The following L3MBTL4 variants were observed in gnomAD, a reference collection of about 807,000 sequenced individuals.
L3MBTL4 encodes L3MBTL histone methyl-lysine binding protein 4.
In L3MBTL4, 70 loss-of-function variants were observed where a neutral mutation model predicts 84.5. The ratio of observed to expected loss-of-function variants is 0.83; its 90% CI spans 0.68 to 1.01. The LOEUF (loss-of-function observed/expected upper bound fraction) is 1.01. Ranked by LOEUF, L3MBTL4 falls within the 50% of genes least tolerant of loss-of-function variation. The pLI is 0.00. For synonymous variants in L3MBTL4, 274 were observed against 259.8 expected (o/e 1.05, Z -0.52); for missense variants, 715 against 754.8 (o/e 0.95, Z 0.62).
chr18:6,142,950 G>A (rs1437353852), intron 13 of L3MBTL4, among the ~76,000 whole-genome samples: 1 of 151,974 alleles, frequency 6.6e-6, no homozygotes, highest in Non-Finnish European at 1.5e-5. Context: ...GTAAATAAAA[G>A]GATCTACCAG....
rs79317616 is a variant in L3MBTL4, at chr18:6,095,727, A to C, written c.1200-2199T>G. Among the ~76,000 whole-genome samples the C allele has an allele frequency of 4.5e-4, 68 of 152,314 alleles. 1 individual carries two copies. In the East Asian group the frequency reaches 0.012, roughly 27 times the overall value. On this transcript the variant is annotated intron_variant, in intron 14 of 18. Coordinates refer to ENST00000317931, the MANE Select transcript of L3MBTL4 (RefSeq NM_001330559.2). ...GCACAGTCCTTGTGCAGAGAGACCC[A>C]GAGGCAAGTATTTACAGGCTAATGC...
At chr18:6,083,359 A>G (rs925860168) in intron 15 of L3MBTL4, among the ~76,000 whole-genome samples, 1 of 152,160 alleles carries the variant, frequency 6.6e-6, no homozygotes, top group African/African-American at 2.4e-5. Flanking sequence ...TGAATAAGCT[A>G]ATCGACTTGT....
intron 16 of L3MBTL4, chr18:6,017,971 C>T (rs1236323551): frequency 6.6e-6 from 1 of 152,172 alleles, no homozygotes; most frequent in African/African-American, 2.4e-5. Context: ...GTCCTGTGCA[C>T]ATCCTATCCC....
At chr18:5,963,741 T>C (rs1001656679) in intron 17 of L3MBTL4, among the ~76,000 whole-genome samples, 1 of 152,240 alleles carries the variant, frequency 6.6e-6, no homozygotes, top group Non-Finnish European at 1.5e-5. Context: ...TCATAGAAAG[T>C]TCTGCCACAG....
At chr18:6,346,285 A>G (rs1251711282) in intron 1 of L3MBTL4, among the ~76,000 whole-genome samples, 2 of 151,714 alleles carry the variant, frequency 1.3e-5, no homozygotes, top group African/African-American at 2.4e-5. Flanking sequence ...CTTGACAATG[A>G]TTTTTTTGGA....
chr18:6,402,316 T>C (rs2055546760), intron 1 of L3MBTL4, among the ~76,000 whole-genome samples: 1 of 152,182 alleles, frequency 6.6e-6, no homozygotes, highest in Non-Finnish European at 1.5e-5. Context: ...GGCCAGAAAG[T>C]TAAGATAGAA....
At chr18:5,978,961 A>T (rs1465088966) in intron 16 of L3MBTL4, among the ~76,000 whole-genome samples, 1 of 152,050 alleles carries the variant, frequency 6.6e-6, no homozygotes, top group Non-Finnish European at 1.5e-5. Flanking sequence ...AGCACGACCT[A>T]CCTCTGGGAG....
intron 13 of L3MBTL4, among the ~76,000 whole-genome samples, chr18:6,144,906 G>A (rs1356704423): frequency 6.6e-6 from 1 of 152,152 alleles, no homozygotes; most frequent in Non-Finnish European, 1.5e-5. Flanking sequence ...GAGAAAAAAG[G>A]AAGAAAGAGC....
chr18:6,362,339 AAGAAG>A (rs946348441), intron 1 of L3MBTL4, among the ~76,000 whole-genome samples: 1 of 152,046 alleles, frequency 6.6e-6, no homozygotes, highest in African/African-American at 2.4e-5. Context: ...GAAAGAAGAA[AAGAAG>A]AGAAAAGAAA....
At chr18:6,088,609 G>A (rs2058338140) in intron 15 of L3MBTL4, among the ~76,000 whole-genome samples, 1 of 152,172 alleles carries the variant, frequency 6.6e-6, no homozygotes, top group Non-Finnish European at 1.5e-5. Context: ...AGAGAATTGA[G>A]AGAAAGTGAA....
chr18:6,209,600 C>A (rs1400741462), intron 12 of L3MBTL4, among the ~76,000 whole-genome samples: 1 of 152,110 alleles, frequency 6.6e-6, no homozygotes, highest in African/African-American at 2.4e-5. Flanking sequence ...TCCTCAAAAT[C>A]TGAAATATAG....
At chr18:6,025,601 A>T (rs1029200180) in intron 16 of L3MBTL4, among the ~76,000 whole-genome samples, 2 of 152,124 alleles carry the variant, frequency 1.3e-5, no homozygotes, top group Admixed American at 1.3e-4. Context: ...CTATATTCTA[A>T]AACAGTGGTT....
chr18:6,291,216 A>C (rs1392076754), intron 4 of L3MBTL4, among the ~76,000 whole-genome samples: 1 of 152,204 alleles, frequency 6.6e-6, no homozygotes, highest in African/African-American at 2.4e-5. Flanking sequence ...TAAATGCTAT[A>C]GGTAACTTGA....
At chr18:6,041,009 T>C (rs1478184839) in intron 16 of L3MBTL4, among the ~76,000 whole-genome samples, 1 of 152,224 alleles carries the variant, frequency 6.6e-6, no homozygotes, top group Non-Finnish European at 1.5e-5. Context: ...AGAAAATGTG[T>C]CACAACAAAG....
At chr18:5,990,355 T>C (rs2053636168) in intron 16 of L3MBTL4, among the ~76,000 whole-genome samples, 1 of 152,216 alleles carries the variant, frequency 6.6e-6, no homozygotes, top group African/African-American at 2.4e-5. Flanking sequence ...CTATGTCTCC[T>C]TACAAAATAA....
chr18:6,378,951 G>C (rs2054486461), intron 1 of L3MBTL4, among the ~76,000 whole-genome samples: 1 of 150,342 alleles, frequency 6.7e-6, no homozygotes, highest in Admixed American at 6.6e-5. Flanking sequence ...CTATCCATGA[G>C]CATAGAATGC....
chr18:6,281,038 G>A (rs2049298660), intron 4 of L3MBTL4, among the ~76,000 whole-genome samples: 1 of 151,968 alleles, frequency 6.6e-6, no homozygotes, highest in African/African-American at 2.4e-5. Context: ...GCAGGAAGAG[G>A]AAATTAATAC....
At chr18:6,141,685 A>C (rs2060199519) in intron 13 of L3MBTL4, among the ~76,000 whole-genome samples, 1 of 152,004 alleles carries the variant, frequency 6.6e-6, no homozygotes, top group South Asian at 2.1e-4. Context: ...TTACCTACCA[A>C]CTTATCTTCA....
At chr18:6,197,003 C>A (rs939533301) in intron 12 of L3MBTL4, among the ~76,000 whole-genome samples, 1 of 152,234 alleles carries the variant, frequency 6.6e-6, no homozygotes, top group Non-Finnish European at 1.5e-5. Context: ...CAAGGCCAAG[C>A]AGGGCCCTGA....
Sources: allele counts gnomAD v4.1 joint callset (sites outside exome capture counted in the v4.1 genomes callset), GRCh38; gene constraint gnomAD v4.1.1; transcripts MANE v1.5; gene names NCBI Gene and HGNC (gene_info 2026-07-23, HGNC 2026-07-21).